Variants in KLHL13 observed in about 807,000 individuals in gnomAD.
The protein encoded by KLHL13 is kelch-like protein 13.
KLHL13 carries 10 observed loss-of-function variants against 37.1 expected under a neutral mutation model. The observed-to-expected ratio is 0.27, with a 90% CI of 0.17 to 0.46. The LOEUF is 0.46. Among genes scored for constraint, KLHL13 ranks in the 20% least tolerant of loss-of-function variants. KLHL13 has a pLI of 1.00. For synonymous variants in KLHL13, 163 were observed against 181.2 expected (o/e 0.90, Z 0.81); for missense variants, 360 against 509.3 (o/e 0.71, Z 2.82).
intron 1 of KLHL13, among the ~76,000 whole-genome samples, chrX:118,078,530 C>T (rs1340937355): frequency 9.0e-6 from 1 of 111,292 alleles, no homozygotes; most frequent in Non-Finnish European, 1.9e-5. Flanking sequence ...ATGAGTCTGA[C>T]CTCTTTTAGT....
intron 1 of KLHL13, among the ~76,000 whole-genome samples, chrX:118,111,351 ACC>A (rs1457193538): frequency 8.8e-6 from 1 of 113,095 alleles, no homozygotes; most frequent in East Asian, 2.8e-4. Context: ...GACTATAAAT[ACC>A]CTATGTCAGT....
intron 5 of KLHL13, among the ~76,000 whole-genome samples, chrX:117,907,536 A>T (rs1930630079): frequency 9.0e-6 from 1 of 111,666 alleles, no homozygotes; most frequent in Non-Finnish European, 1.9e-5. Flanking sequence ...TTTCTAAGAA[A>T]CAACCAAGTC....
At chrX:117,941,095 C>T (rs1188328597) in intron 2 of KLHL13, among the ~76,000 whole-genome samples, 1 of 111,199 alleles carries the variant, frequency 9.0e-6, no homozygotes, top group East Asian at 2.8e-4. Context: ...ATAAATAACA[C>T]TTATTATTTT....
intron 1 of KLHL13, among the ~76,000 whole-genome samples, chrX:117,988,609 T>C (rs1246924590): frequency 2.7e-5 from 3 of 111,872 alleles, no homozygotes; most frequent in Non-Finnish European, 5.7e-5. Context: ...ATGGGGAAGA[T>C]GGGGGTCAAA....
At chrX:118,032,500 A>G (rs1433112954) in intron 1 of KLHL13, among the ~76,000 whole-genome samples, 5 of 111,677 alleles carry the variant, frequency 4.5e-5, no homozygotes, top group East Asian at 2.8e-4. Context: ...TCACAGGGCC[A>G]GGTACTCCAA....
intron 5 of KLHL13, among the ~76,000 whole-genome samples, chrX:117,903,673 C>T (rs1436799596): frequency 1.8e-5 from 2 of 110,836 alleles, no homozygotes; most frequent in Admixed American, 1.9e-4. Flanking sequence ...AAACCTAGTG[C>T]ATTGATTGGT....
chrX:117,945,963 C>G (rs1005111490), intron 1 of KLHL13: 16 of 119,262 alleles, frequency 1.3e-4, no homozygotes, highest in Non-Finnish European at 2.4e-4. Context: ...TGATAGCTAC[C>G]ATTTATTGAA....
intron 4 of KLHL13, among the ~76,000 whole-genome samples, chrX:117,911,986 T>C (rs1931024141): frequency 8.9e-6 from 1 of 112,164 alleles, no homozygotes; most frequent in Non-Finnish European, 1.9e-5. Flanking sequence ...CATAACACTG[T>C]ATAAATACCC....
intron 1 of KLHL13, among the ~76,000 whole-genome samples, chrX:118,080,721 A>G (rs2054982180): frequency 1.8e-5 from 2 of 112,305 alleles, no homozygotes; most frequent in African/African-American, 6.5e-5. Flanking sequence ...AAAGAACTTA[A>G]AACAGAGTTA....
intron 1 of KLHL13, among the ~76,000 whole-genome samples, chrX:118,036,049 C>G (rs1245895547): frequency 1.1e-4 from 11 of 102,660 alleles, no homozygotes; most frequent in Non-Finnish European, 2.1e-4. Context: ...ATGTGAAGGA[C>G]CTCTTCAAGG....
chrX:117,922,412 A>T (rs1313706296), intron 2 of KLHL13, among the ~76,000 whole-genome samples: 2 of 111,747 alleles, frequency 1.8e-5, no homozygotes, highest in African/African-American at 6.5e-5. Context: ...TGAATTCCCC[A>T]GTGTTTGGCA....
intron 1 of KLHL13, among the ~76,000 whole-genome samples, chrX:118,011,341 C>A (rs1486053692): frequency 1.8e-5 from 2 of 109,375 alleles, no homozygotes; most frequent in Non-Finnish European, 3.8e-5. Context: ...ATATAAGAGA[C>A]CTTGCCACAC....
chrX:117,949,874 T>A (rs906141415), intron 1 of KLHL13, among the ~76,000 whole-genome samples: 1 of 112,060 alleles, frequency 8.9e-6, no homozygotes. Context: ...AGAGGTTATG[T>A]GTGCCAATTC....
chrX:118,026,330 A>G (rs2054274863), intron 1 of KLHL13, among the ~76,000 whole-genome samples: 1 of 112,131 alleles, frequency 8.9e-6, no homozygotes, highest in Non-Finnish European at 1.9e-5. Context: ...TGTATTTTGA[A>G]AAAAACTATG....
intron 4 of KLHL13, 78 bp downstream of exon 5, chrX:117,919,443 G>A (rs1931570194): frequency 1.2e-6 from 1 of 811,018 alleles, no homozygotes; most frequent in Non-Finnish European, 1.8e-6. Flanking sequence ...TCACATTCCT[G>A]CACAGCAGAT....
At chrX:118,049,280 A>C (rs2148069488) in intron 1 of KLHL13, among the ~76,000 whole-genome samples, 1 of 112,182 alleles carries the variant, frequency 8.9e-6, no homozygotes, top group African/African-American at 3.2e-5. Context: ...GATTAGTGAA[A>C]AATGCTAAAC....
intron 1 of KLHL13, among the ~76,000 whole-genome samples, chrX:118,079,507 TGA>T (rs2054966372): frequency 9.1e-6 from 1 of 110,181 alleles, no homozygotes; most frequent in African/African-American, 3.3e-5. Context: ...ACACCCAGGC[TGA>T]GAGTCAAATC....
chrX:117,897,970 G>C (rs780969153), exon 7 of KLHL13: 97 of 112,049 alleles, frequency 8.7e-4, no homozygotes, highest in African/African-American at 3.1e-3. Flanking sequence ...TACCTCAACA[G>C]CAAAGGAGAA....
intron 1 of KLHL13, among the ~76,000 whole-genome samples, chrX:118,030,931 C>T (rs1410685525): frequency 8.9e-6 from 1 of 112,000 alleles, no homozygotes; most frequent in African/African-American, 3.2e-5. Context: ...ATAACACAGT[C>T]TTCTTATTTC....
Sources: gnomAD v4.1 joint callset for allele counts (sites outside exome capture counted in the v4.1 genomes callset) on GRCh38, gnomAD v4.1.1 for gene constraint, MANE v1.5 for transcripts, NCBI Gene and HGNC (gene_info 2026-07-23, HGNC 2026-07-21) for gene names.